The following LRP6 variants were observed in gnomAD, a reference collection of about 807,000 sequenced individuals.
LRP6 encodes the protein LDL receptor related protein 6, also known as low-density lipoprotein receptor-related protein 6.
A neutral mutation model predicts 184.1 loss-of-function variants in LRP6; 43 were observed. That is an observed-to-expected ratio of 0.23 (90% CI 0.18 to 0.30). The LOEUF (loss-of-function observed/expected upper bound fraction) is 0.30. Ranked by LOEUF, LRP6 falls within the 10% of genes least tolerant of loss-of-function variation. The pLI is 1.00. For missense variants in LRP6, 1,571 were observed against 2,005.3 expected (o/e 0.78, Z 4.14); for synonymous variants, 719 against 684.9 (o/e 1.05, Z -0.78).
chr12:12,135,430 CTTTTT>C (rs893672913), intron 16 of LRP6, 130 bp from the exon 17 acceptor site: 6 of 484,652 alleles, frequency 1.2e-5, no homozygotes, highest in African/African-American at 1.2e-4. Context: ...AGCTTGGACT[CTTTTT>C]TTTTACTTTT....
intron 1 of LRP6, among the ~76,000 whole-genome samples, chr12:12,257,239 A>G (rs140792868): frequency 1.7e-3 from 254 of 152,222 alleles, no homozygotes; most frequent in African/African-American, 6.0e-3. Context: ...TAAAATGGAG[A>G]TTTTTACTGT....
rs577630563 is a variant in LRP6, at chr12:12,261,958, A to G, written c.55+4723T>C. On this transcript the variant is annotated intron_variant, in intron 1 of 22. Transcript: ENST00000261349. ...AACAAGCCTCCTCAAAAAAAGCTAAAAAGGCCAGGCGCGGTGGCTCACGCC... is the reference window on the plus strand; with the variant it reads ...AACAAGCCTCCTCAAAAAAAGCTAAGAAGGCCAGGCGCGGTGGCTCACGCC... 2.0e-5 allele frequency among the ~76,000 whole-genome samples: 3 copies of G among 152,306 alleles called. No individual in the cohort carries two copies. The South Asian group carries it at 6.2e-4, about 32-fold the overall frequency.
At chr12:12,182,054 C>A (rs1418502623) in intron 5 of LRP6, among the ~76,000 whole-genome samples, 1 of 152,134 alleles carries the variant, frequency 6.6e-6, no homozygotes, top group Non-Finnish European at 1.5e-5. Context: ...GAGAAACAAA[C>A]AGCTGCAATG....
chr12:12,139,045 A>T, intron 15 of LRP6: 1 of 1,264,712 alleles, frequency 7.9e-7, no homozygotes, highest in Non-Finnish European at 1.0e-6. Context: ...AACTTCTGCT[A>T]TTGTTGCACA....
chr12:12,201,011 G>A (rs115430240), intron 3 of LRP6, among the ~76,000 whole-genome samples: 142 of 152,160 alleles, frequency 9.3e-4, no homozygotes, highest in African/African-American at 3.2e-3. Flanking sequence ...TCTTGTCTAC[G>A]TAAAATTAGT....
chr12:12,242,924 A>G (rs1433832197), intron 2 of LRP6, among the ~76,000 whole-genome samples: 1 of 152,196 alleles, frequency 6.6e-6, no homozygotes, highest in East Asian at 1.9e-4. Flanking sequence ...AGAAGCACAT[A>G]TAAACCTTTC....
chr12:12,194,958 A>G (rs1863713958), intron 3 of LRP6, among the ~76,000 whole-genome samples: 1 of 151,998 alleles, frequency 6.6e-6, no homozygotes, highest in South Asian at 2.1e-4. Context: ...GCATGGTTTA[A>G]TTTTCTGTTC....
In LRP6 at chr12:12,150,910, G is replaced by A. The variant is rs865865388; in HGVS notation, c.2920C>T (p.Pro974Ser). Residue 974 changes from proline to serine, a missense_variant, in exon 13 of 23, where the codon CCA becomes TCA. Coordinates refer to ENST00000261349, the MANE Select transcript of LRP6 (RefSeq NM_002336.3). ...LRNVRAIDYD[P>S]LDKQLYWIDS... ...ATCCAATAGAGTTGCTTGTCCAGTG[G>A]GTCATAGTCAATGGCCCGGACATTC... 1 of 1,614,010 alleles carries A rather than the reference G, an allele frequency of 6.2e-7. No individual in the cohort carries two copies. Among genetic ancestry groups the A allele is most frequent in the South Asian group, 1.1e-5 (1 of 91,082 alleles).
At chr12:12,201,800 T>C (rs73291595) in intron 3 of LRP6, among the ~76,000 whole-genome samples, 16 of 152,326 alleles carry the variant, frequency 1.1e-4, no homozygotes, top group Non-Finnish European at 1.8e-4. Context: ...TACTTACTTT[T>C]TGACATTTAA....
rs1592001541 is a variant in LRP6, at chr12:12,266,636, T to G, written c.55+45A>C. ...CCTAGACACATACAACAAGGCCACC[T>G]CCCCCCGAACCCCACCAACTTTCCA... On this transcript the variant is annotated intron_variant, in intron 1 of 22. Coordinates refer to ENST00000261349, the MANE Select transcript of LRP6 (RefSeq NM_002336.3). 3 of 964,156 alleles carry G rather than the reference T, an allele frequency of 3.1e-6. No homozygotes were observed. The South Asian group carries it at 4.2e-5, about 14-fold the overall frequency. The allele number at this position is 964,156 out of a possible 1,614,324, so 59.7% of individuals were successfully genotyped here. A position where few individuals can be genotyped will look rare whatever the true frequency, so the allele number is the denominator to read the frequency against.
At chr12:12,148,857 A>T in intron 14 of LRP6, 85 bp downstream of exon 14, 1 of 959,144 alleles carries the variant, frequency 1.0e-6, no homozygotes, top group Non-Finnish European at 1.7e-6. Context: ...CAGGACACTT[A>T]AAGGTAAATA....
At chr12:12,170,829 ACAC>A (rs1355081376) in intron 7 of LRP6, among the ~76,000 whole-genome samples, 2 of 140,330 alleles carry the variant, frequency 1.4e-5, no homozygotes, top group African/African-American at 5.6e-5. Flanking sequence ...ACACACACAC[ACAC>A]GTCTTAGATG....
intron 1 of LRP6, among the ~76,000 whole-genome samples, 157 bp from the exon 2 acceptor site, chr12:12,244,812 T>G (rs528187170): frequency 2.6e-5 from 4 of 152,298 alleles, no homozygotes; most frequent in African/African-American, 9.6e-5. Flanking sequence ...ACACACAAAA[T>G]ATTATTTTTG....
intron 22 of LRP6, among the ~76,000 whole-genome samples, chr12:12,123,461 A>C (rs1431577480): frequency 2.6e-5 from 4 of 152,230 alleles, no homozygotes; most frequent in Admixed American, 2.0e-4. Flanking sequence ...CTTCATTTCT[A>C]CACATGGGTG....
chr12:12,162,194 C>T lies in LRP6; in HGVS notation c.2278G>A (p.Gly760Arg). The T allele has an allele frequency of 6.2e-7, 1 of 1,613,910 alleles. No homozygotes were observed. Among genetic ancestry groups the T allele is most frequent in the Non-Finnish European group, 8.5e-7 (1 of 1,179,778 alleles). Residue 760 changes from glycine (G) to arginine (R), a missense_variant and splice_region_variant, in exon 10 of 23, where the codon GGA (glycine) becomes AGA (arginine). Around this residue, in one of 4 missense-constraint regions of LRP6, gnomAD observed 158 missense variants for 258.4 expected, o/e 0.61. Transcript: ENST00000261349. ...PRALALDPAEGFMYWTEWGGK... is the reference protein window; with the variant it reads ...PRALALDPAERFMYWTEWGGK... ...GAATGCACATGTAAAGCTGTTTACC[C>T]TTCGGCAGGGTCCAACGCGAGAGCT...
intron 2 of LRP6, among the ~76,000 whole-genome samples, chr12:12,228,638 AG>A (rs1864694249): frequency 6.6e-6 from 1 of 152,184 alleles, no homozygotes; most frequent in African/African-American, 2.4e-5. Flanking sequence ...CTGTCACATC[AG>A]TGGCAGCATT....
At chr12:12,253,249 G>C (rs1343081285) in intron 1 of LRP6, among the ~76,000 whole-genome samples, 1 of 152,200 alleles carries the variant, frequency 6.6e-6, no homozygotes, top group Non-Finnish European at 1.5e-5. Context: ...GGGCAACACA[G>C]CGAGACTCTG....
At chr12:12,241,264 A>C (rs562991129) in intron 2 of LRP6, among the ~76,000 whole-genome samples, 1 of 152,154 alleles carries the variant, frequency 6.6e-6, no homozygotes, top group Non-Finnish European at 1.5e-5. Context: ...CACTGTTTTC[A>C]TGTACTTTGT....
intron 15 of LRP6, among the ~76,000 whole-genome samples, chr12:12,144,134 G>A (rs1274734052): frequency 6.6e-6 from 1 of 152,196 alleles, no homozygotes; most frequent in Non-Finnish European, 1.5e-5. Context: ...GATTTATGCA[G>A]TATATATCTT....
Sources: gnomAD v4.1 joint callset for allele counts (sites outside exome capture counted in the v4.1 genomes callset) on GRCh38, gnomAD v4.1.1 for gene constraint, gnomAD v4.1.1 regional missense constraint, MANE v1.5 for transcripts, NCBI Gene and HGNC (gene_info 2026-07-23, HGNC 2026-07-21) for gene names.